Variants in NRXN3 observed in about 807,000 individuals in gnomAD.
The protein encoded by NRXN3 is neurexin III.
Under a neutral mutation model 137.6 loss-of-function variants are expected in NRXN3, and 32 were observed. That is an observed-to-expected ratio of 0.23 (90% CI 0.18 to 0.31). The LOEUF (loss-of-function observed/expected upper bound fraction) is 0.31, where lower values mean the gene tolerates loss of function less well. Among genes scored for constraint, NRXN3 ranks in the 10% least tolerant of loss-of-function variants. The pLI is 1.00. For missense variants in NRXN3, 1,574 were observed against 2,062.5 expected (o/e 0.76, Z 4.59); for synonymous variants, 798 against 784.5 (o/e 1.02, Z -0.29).
At chr14:79,687,257 A>G (rs559562317) in intron 17 of NRXN3, among the ~76,000 whole-genome samples, 83 of 152,286 alleles carry the variant, frequency 5.5e-4, no homozygotes, top group African/African-American at 1.9e-3. Context: ...AACATTCTAG[A>G]TGGCCTTTGG....
At chr14:79,036,075 G>A (rs2099615459) in intron 15 of NRXN3, among the ~76,000 whole-genome samples, 1 of 151,872 alleles carries the variant, frequency 6.6e-6, no homozygotes, top group Non-Finnish European at 1.5e-5. Flanking sequence ...TTTTTACATG[G>A]TAGTTTTTCC....
intron 19 of NRXN3, among the ~76,000 whole-genome samples, chr14:79,798,169 A>G (rs1464830164): frequency 1.3e-5 from 2 of 152,078 alleles, no homozygotes; most frequent in African/African-American, 4.8e-5. Flanking sequence ...TGAGACTGTG[A>G]TGGCCACAAT....
At chr14:79,279,468 C>T in intron 15 of NRXN3, 1 of 986,252 alleles carries the variant, frequency 1.0e-6, no homozygotes, top group Non-Finnish European at 1.2e-6. Context: ...CAGGCACCTC[C>T]TCTTGCGCTC....
intron 15 of NRXN3, among the ~76,000 whole-genome samples, chr14:79,142,671 C>T (rs2058914036): frequency 6.6e-6 from 1 of 152,086 alleles, no homozygotes; most frequent in Non-Finnish European, 1.5e-5. Context: ...ATGCCATGAC[C>T]AGATGTATGA....
chr14:79,668,864 C>G (rs1429463163), intron 17 of NRXN3, among the ~76,000 whole-genome samples: 1 of 152,012 alleles, frequency 6.6e-6, no homozygotes, highest in South Asian at 2.1e-4. Flanking sequence ...AAGTTTCCAA[C>G]ATATTTTGTT....
At chr14:79,071,332 C>A (rs1378418328) in intron 15 of NRXN3, among the ~76,000 whole-genome samples, 6 of 152,090 alleles carry the variant, frequency 3.9e-5, no homozygotes. Context: ...TTGCTGCACT[C>A]ATGAACCTGT....
intron 4 of NRXN3, among the ~76,000 whole-genome samples, chr14:78,487,867 C>CA (rs1483025889): frequency 1.3e-5 from 2 of 151,894 alleles, no homozygotes; most frequent in African/African-American, 4.8e-5. Context: ...TTTCAAAATG[C>CA]AAAAGAGAAT....
chr14:79,671,507 C>G (rs1361940294), intron 17 of NRXN3, among the ~76,000 whole-genome samples: 2 of 152,044 alleles, frequency 1.3e-5, no homozygotes, highest in Non-Finnish European at 2.9e-5. Context: ...GCCTTGTCAG[C>G]CTCTTTCTTT....
chr14:78,515,023 CA>C lies in NRXN3; in HGVS notation c.758-130096del, dbSNP rs561656950. Among the ~76,000 whole-genome samples the C allele has an allele frequency of 1.5e-4, 23 of 152,278 alleles. No individual in the cohort carries two copies. The East Asian group carries it at 3.5e-3, about 23-fold the overall frequency. On this transcript the variant is annotated intron_variant, in intron 4 of 20. Coordinates refer to ENST00000335750, the MANE Select transcript of NRXN3 (RefSeq NM_001330195.2). ...CTCAGGTCTGGTCCTACTATTGGCA[CA>C]TTAAGCCAGAATCTCTGAGATGAGG...
intron 16 of NRXN3, among the ~76,000 whole-genome samples, chr14:79,607,981 T>G (rs1172095587): frequency 6.6e-6 from 1 of 152,222 alleles, no homozygotes; most frequent in Non-Finnish European, 1.5e-5. Flanking sequence ...GGCCATCAAA[T>G]GTTTTTCATA....
At chr14:79,385,204 T>TCCCCCCCCCCCCC (rs557799323) in intron 15 of NRXN3, among the ~76,000 whole-genome samples, 6 of 90,570 alleles carry the variant, frequency 6.6e-5, no homozygotes, top group Non-Finnish European at 7.2e-5. Context: ...ATGCTATCCT[T>TCCCCCCCCCCCCC]CCCCCCGCCC....
intron 4 of NRXN3, among the ~76,000 whole-genome samples, chr14:78,639,409 G>A (rs920989223): frequency 6.6e-6 from 1 of 152,168 alleles, no homozygotes; most frequent in African/African-American, 2.4e-5. Flanking sequence ...CAGGACCACT[G>A]GCTACAGCCA....
intron 3 of NRXN3, among the ~76,000 whole-genome samples, chr14:78,282,778 G>A (rs1034906255): frequency 1.9e-4 from 29 of 152,316 alleles, no homozygotes; most frequent in African/African-American, 7.0e-4. Context: ...CCTGGGCCTT[G>A]CCCTGTCTCC....
At chr14:79,435,250 C>A (rs1316622600) in intron 15 of NRXN3, among the ~76,000 whole-genome samples, 5 of 149,474 alleles carry the variant, frequency 3.3e-5, no homozygotes, top group Non-Finnish European at 7.4e-5. Context: ...GAATGTCAAT[C>A]GACAGGTGAA....
chr14:79,390,837 G>A (rs1014863803), intron 15 of NRXN3, among the ~76,000 whole-genome samples: 7 of 152,174 alleles, frequency 4.6e-5, no homozygotes, highest in African/African-American at 1.7e-4. Flanking sequence ...TATGGGGCCT[G>A]ATAAGAGGTG....
chr14:78,840,289 C>CA (rs2152439157), intron 10 of NRXN3, among the ~76,000 whole-genome samples: 1 of 152,218 alleles, frequency 6.6e-6, no homozygotes, highest in Non-Finnish European at 1.5e-5. Flanking sequence ...GAAGAGAATT[C>CA]AAAATCACAG....
intron 20 of NRXN3, among the ~76,000 whole-genome samples, chr14:79,820,837 G>C (rs2099269808): frequency 6.6e-6 from 1 of 152,132 alleles, no homozygotes; most frequent in South Asian, 2.1e-4. Context: ...TAAACATGGG[G>C]CAAACCATGA....
intron 19 of NRXN3, among the ~76,000 whole-genome samples, chr14:79,789,899 T>C (rs949518901): frequency 3.9e-5 from 6 of 152,146 alleles, no homozygotes; most frequent in Admixed American, 2.0e-4. Context: ...CTATTCAAGA[T>C]GGAGTTGCTC....
At chr14:79,390,495 G>A (rs1029542283) in intron 15 of NRXN3, among the ~76,000 whole-genome samples, 3 of 151,996 alleles carry the variant, frequency 2.0e-5, no homozygotes, top group African/African-American at 7.2e-5. Flanking sequence ...TCAGAAGTAA[G>A]GCAACTCATA....
Sources: gnomAD v4.1 joint callset for allele counts (sites outside exome capture counted in the v4.1 genomes callset) on GRCh38, gnomAD v4.1.1 for gene constraint, MANE v1.5 for transcripts, NCBI Gene and HGNC (gene_info 2026-07-23, HGNC 2026-07-21) for gene names.